The following WWC1 variants were observed in gnomAD, a reference collection of about 807,000 sequenced individuals.
WWC1 encodes the protein WW and C2 domain containing 1.
Under a neutral mutation model 138.4 loss-of-function variants are expected in WWC1, and 55 were observed. The ratio of observed to expected loss-of-function variants is 0.40; its 90% CI spans 0.32 to 0.50. WWC1 has a LOEUF of 0.50. Among genes scored for constraint, WWC1 ranks in the 20% least tolerant of loss-of-function variants. The probability of loss-of-function intolerance (pLI) is 0.72; values close to 1 mark genes in which losing one functional copy is unlikely to be tolerated. For missense variants in WWC1, 1,226 were observed against 1,420.4 expected, an observed-to-expected ratio of 0.86 and a Z score of 2.20; for synonymous variants, 524 against 564.9, an observed-to-expected ratio of 0.93 and a Z score of 1.03.
intron 17 of WWC1, among the ~76,000 whole-genome samples, chr5:168,448,914 C>T (rs558351565): frequency 5.9e-5 from 9 of 152,220 alleles, no homozygotes; most frequent in South Asian, 2.1e-4. Flanking sequence ...CCACCGCACC[C>T]AGCTATAAGA....
At chr5:168,464,189 A>G (rs750033580) in intron 20 of WWC1, among the ~76,000 whole-genome samples, 2 of 152,160 alleles carry the variant, frequency 1.3e-5, no homozygotes, top group Non-Finnish European at 2.9e-5. Flanking sequence ...ACAAGCAGAA[A>G]CAATAGGGGC....
intron 1 of WWC1, among the ~76,000 whole-genome samples, chr5:168,334,653 A>G (rs1581949485): frequency 6.6e-6 from 1 of 152,138 alleles, no homozygotes; most frequent in East Asian, 1.9e-4. Flanking sequence ...CAAGCTCCTT[A>G]AGGACAGGGG....
intron 1 of WWC1, among the ~76,000 whole-genome samples, chr5:168,306,886 C>T (rs1374543489): frequency 3.3e-5 from 5 of 152,188 alleles, no homozygotes; most frequent in African/African-American, 1.2e-4. Context: ...CGTAAGCCAC[C>T]ACGCCCAGCC....
In WWC1 at chr5:168,292,124, A is replaced by G. The variant is rs1581829594; in HGVS notation, c.-29A>G. 2 of 1,527,262 alleles carry G rather than the reference A, an allele frequency of 1.3e-6. No individual in the cohort carries two copies. Among genetic ancestry groups the G allele is most frequent in the Non-Finnish European group, 1.8e-6 (2 of 1,137,072 alleles). The allele number at this position is 1,527,262 out of a possible 1,614,324, so 94.6% of individuals were successfully genotyped here. On this transcript the variant is annotated 5_prime_UTR_variant, in exon 1 of 23. It removes an upstream start codon present in the reference 5' UTR. Coordinates refer to ENST00000265293, the MANE Select transcript of WWC1 (RefSeq NM_015238.3). This position sits in a 1 kb window ranked among gnomAD's most constrained non-coding sequence, Gnocchi z 4.4. ...AGCCCCCGCTGCGGCCGGGAGCTGCATGGGGGAGCGCCGGCAGCGCTTGGG... is the reference window on the plus strand; with the variant it reads ...AGCCCCCGCTGCGGCCGGGAGCTGCGTGGGGGAGCGCCGGCAGCGCTTGGG...
intron 1 of WWC1, among the ~76,000 whole-genome samples, chr5:168,370,666 ATTGT>A (rs750753112): frequency 6.6e-6 from 1 of 152,152 alleles, no homozygotes; most frequent in Non-Finnish European, 1.5e-5. Context: ...TACTTGACAA[ATTGT>A]TTGTGATAGT....
intron 1 of WWC1, among the ~76,000 whole-genome samples, chr5:168,362,468 G>A (rs920356278): frequency 1.3e-5 from 2 of 152,226 alleles, no homozygotes; most frequent in Admixed American, 1.3e-4. Context: ...CAAGAGGCAG[G>A]AGTGACACAT....
intron 7 of WWC1, among the ~76,000 whole-genome samples, chr5:168,409,064 A>G (rs1411812003): frequency 6.6e-6 from 1 of 152,146 alleles, no homozygotes; most frequent in Non-Finnish European, 1.5e-5. Context: ...AAAACAATGC[A>G]TGCAGCTTTC....
intron 15 of WWC1, among the ~76,000 whole-genome samples, chr5:168,438,121 A>G (rs1278656529): frequency 6.6e-6 from 1 of 152,188 alleles, no homozygotes; most frequent in Non-Finnish European, 1.5e-5. Context: ...CTGGTGCTAA[A>G]CAAGTGAAGT....
rs534243040 is a variant in WWC1, at chr5:168,382,874, C to T, written c.230-2337C>T. 5.4e-4 allele frequency among the ~76,000 whole-genome samples: 82 copies of T among 152,086 alleles called. 1 individual carries two copies. The South Asian group carries it at 8.3e-3, about 15-fold the overall frequency. ...AGCTTGAAGAATTGCTATTCACAGA[C>T]GATTCAAAAATTGGTCCTAGGCTGG... On this transcript the variant is annotated intron_variant, in intron 2 of 22. Coordinates refer to ENST00000265293, the MANE Select transcript of WWC1 (RefSeq NM_015238.3).
chr5:168,384,779 A>G (rs2152818635), intron 2 of WWC1, among the ~76,000 whole-genome samples: 1 of 137,492 alleles, frequency 7.3e-6, no homozygotes, highest in South Asian at 2.2e-4. Flanking sequence ...GTGCAGTGGC[A>G]CGATCTCAGC....
intron 1 of WWC1, among the ~76,000 whole-genome samples, chr5:168,296,794 C>G (rs545716127): frequency 6.6e-6 from 1 of 152,158 alleles, no homozygotes; most frequent in African/African-American, 2.4e-5. Context: ...GAATACTAGG[C>G]GGGCTCACAC....
intron 15 of WWC1, 39 bp from the exon 16 acceptor site, chr5:168,441,643 C>A (rs771437037): frequency 3.8e-6 from 6 of 1,599,330 alleles, no homozygotes; most frequent in South Asian, 1.1e-5. Context: ...GTGTCCCCCC[C>A]ACCGCCACTT....
chr5:168,341,718 A>G (rs541908162), intron 1 of WWC1, among the ~76,000 whole-genome samples: 3 of 147,410 alleles, frequency 2.0e-5, no homozygotes, highest in Non-Finnish European at 4.5e-5. Flanking sequence ...AAAAAAAAAG[A>G]TTTTGGAAAA....
chr5:168,364,911 C>G (rs988334905), intron 1 of WWC1, among the ~76,000 whole-genome samples: 1 of 152,224 alleles, frequency 6.6e-6, no homozygotes, highest in Non-Finnish European at 1.5e-5. Flanking sequence ...CTATCTGTCT[C>G]TTTCCTCTGT....
chr5:168,391,645 C>T (rs1159840654), intron 3 of WWC1, among the ~76,000 whole-genome samples: 8 of 134,658 alleles, frequency 5.9e-5, no homozygotes, highest in African/African-American at 1.4e-4. Context: ...GGCAACAGAG[C>T]AACACTCCGT....
intron 17 of WWC1, among the ~76,000 whole-genome samples, chr5:168,449,054 G>T (rs10078264): frequency 6.6e-6 from 1 of 152,042 alleles, no homozygotes; most frequent in Non-Finnish European, 1.5e-5. Flanking sequence ...TAACAGATAA[G>T]GCTAAATGGC....
chr5:168,464,710 G>A lies in WWC1; in HGVS notation c.2917-19G>A. On this transcript the variant is annotated intron_variant, in intron 20 of 22. Transcript: ENST00000265293. ...GGGCAGAGCTCTAATAACAAGAGAA[G>A]CCGTCCCCACCCCCACAGCCTTCCT... 3.1e-6 allele frequency: 5 copies of A among 1,613,916 alleles called. No homozygotes were observed. The highest frequency in any genetic ancestry group is 4.2e-6 in the Non-Finnish European group (5 of 1,179,864).
In WWC1 at chr5:168,451,643, G is replaced by A. The variant is rs563496957; in HGVS notation, c.2526-2325G>A. On this transcript the variant is annotated intron_variant, in intron 17 of 22. Transcript: ENST00000265293. ...TCACCTGAGCCCAAGAGTTCAAGGC[G>A]ACAGTGAGCTATGATCACACCATGG... Among the ~76,000 whole-genome samples, 20 of 152,234 alleles carry A rather than the reference G, an allele frequency of 1.3e-4. No homozygotes were observed. In the South Asian group the frequency reaches 2.5e-3, roughly 19 times the overall value.
chr5:168,399,627 T>A (rs2152831396), intron 5 of WWC1, 60 bp downstream of exon 5: 1 of 1,515,646 alleles, frequency 6.6e-7, no homozygotes, highest in East Asian at 2.3e-5. Context: ...TCCCCTCCTG[T>A]CCTCTCTGTC....
Sources: gnomAD v4.1 joint callset for allele counts (sites outside exome capture counted in the v4.1 genomes callset) on GRCh38, gnomAD v4.1.1 for gene constraint, Gnocchi (gnomAD v3.1) non-coding constraint, MANE v1.5 for transcripts, NCBI Gene and HGNC (gene_info 2026-07-23, HGNC 2026-07-21) for gene names.